Variants in VTI1A observed in about 807,000 individuals in gnomAD.
The protein encoded by VTI1A is vesicle transport through interaction with t-SNAREs homolog 1A.
VTI1A carries 22 observed loss-of-function variants against 34.9 expected under a neutral mutation model. The ratio of observed to expected loss-of-function variants is 0.63; its 90% CI spans 0.45 to 0.90. The LOEUF (loss-of-function observed/expected upper bound fraction) is 0.90. VTI1A is among the 40% of genes least tolerant of loss of function. VTI1A has a pLI of 0.00. For missense variants in VTI1A, 268 were observed against 275.6 expected (o/e 0.97, Z 0.20); for synonymous variants, 87 against 97.3 (o/e 0.89, Z 0.62).
Position 112,815,356 on chromosome 10 carries a change from G to A in VTI1A, c.627G>A (p.Ala209=), listed in dbSNP as rs772421699. The A allele has an allele frequency of 2.0e-5, 33 of 1,613,866 alleles. No individual in the cohort carries two copies. The highest frequency in any genetic ancestry group is 3.3e-5 in the South Asian group (3 of 91,062). Residue 209 remains alanine, a synonymous_variant, in exon 8 of 8, where the codon GCG becomes GCA. Transcript: ENST00000393077. ...GIIVVITILM[A]ITFSVRRH ...TCGTGGTCATCACCATCCTGATGGC[G>A]ATCACTTTTTCTGTCAGAAGACACT...
chr10:112,664,649 G>C (rs11196045), intron 5 of VTI1A, among the ~76,000 whole-genome samples: 3,822 of 152,258 alleles, frequency 0.025, 106 homozygotes, highest in East Asian at 0.1. Context: ...AGATTGAAAA[G>C]TAAAGGAAAT....
intron 7 of VTI1A, among the ~76,000 whole-genome samples, chr10:112,782,594 G>A (rs1003588631): frequency 1.3e-5 from 2 of 152,234 alleles, no homozygotes; most frequent in East Asian, 3.9e-4. Context: ...TGGAATTATA[G>A]TGGGGCTGTT....
In VTI1A at chr10:112,783,401, G is replaced by GCACACACACACA. The variant is rs58560251; in HGVS notation, c.561-31875_561-31864dup. Among the ~76,000 whole-genome samples, 606 of 150,414 alleles carry GCACACACACACA rather than the reference G, an allele frequency of 4.0e-3. 4 individuals are homozygous for GCACACACACACA. The highest frequency in any genetic ancestry group is 0.013 in the African/African-American group (539 of 41,032). On this transcript the variant is annotated intron_variant, in intron 7 of 7. Coordinates refer to ENST00000393077, the MANE Select transcript of VTI1A (RefSeq NM_145206.4). ...TGTATGTGCATGCCCGCGTGCACGT[G>GCACACACACACA]CACACACACACACACACACACACAC...
chr10:112,554,930 G>A (rs1319284433), intron 5 of VTI1A, among the ~76,000 whole-genome samples: 1 of 152,066 alleles, frequency 6.6e-6, no homozygotes, highest in African/African-American at 2.4e-5. Context: ...TGGGGACATG[G>A]TCCCAACGTT....
intron 3 of VTI1A, among the ~76,000 whole-genome samples, chr10:112,476,468 C>T (rs529993326): frequency 2.6e-5 from 4 of 152,204 alleles, no homozygotes; most frequent in South Asian, 2.1e-4. Flanking sequence ...CTTTTATGAA[C>T]GTACTTGCTA....
intron 7 of VTI1A, among the ~76,000 whole-genome samples, chr10:112,693,052 T>C (rs983856588): frequency 6.6e-6 from 1 of 152,232 alleles, no homozygotes; most frequent in Non-Finnish European, 1.5e-5. Context: ...TTCTCTCACT[T>C]TGATTCCCAA....
intron 5 of VTI1A, among the ~76,000 whole-genome samples, chr10:112,645,046 G>A (rs1238502619): frequency 2.0e-5 from 3 of 152,228 alleles, no homozygotes; most frequent in Non-Finnish European, 2.9e-5. Flanking sequence ...TTTCTATCAA[G>A]TAGATTTTAT....
At chr10:112,641,114 G>A (rs1364903689) in intron 5 of VTI1A, among the ~76,000 whole-genome samples, 1 of 150,978 alleles carries the variant, frequency 6.6e-6, no homozygotes, top group Non-Finnish European at 1.5e-5. Flanking sequence ...GGTGTAGTTG[G>A]GGGGCAGATA....
At chr10:112,603,584 T>C (rs1257323501) in intron 5 of VTI1A, among the ~76,000 whole-genome samples, 1 of 152,206 alleles carries the variant, frequency 6.6e-6, no homozygotes. Context: ...AATACTGTTT[T>C]ACTTCAAACT....
In VTI1A at chr10:112,452,566, C is replaced by CAA. The variant is rs57884472; in HGVS notation, c.94+5115_94+5116dup. ...CTAGTGACACAGTGAGACTCTGTCT[C>CAA]AAAAAAAAAAAAAAAAATTAAGCTT... is the stretch of plus-strand genomic sequence containing the variant. On this transcript the variant is annotated intron_variant, in intron 1 of 7. Coordinates refer to ENST00000393077, the MANE Select transcript of VTI1A (RefSeq NM_145206.4). Among the ~76,000 whole-genome samples the CAA allele has an allele frequency of 8.9e-3, 1,196 of 134,644 alleles. 10 individuals are homozygous for CAA. The highest frequency in any genetic ancestry group is 0.023 in the Middle Eastern group (6 of 258). 88.3% of individuals were successfully genotyped at this position (134,644 alleles called of 152,430 possible).
intron 5 of VTI1A, among the ~76,000 whole-genome samples, chr10:112,599,616 G>C (rs920520565): frequency 6.6e-6 from 1 of 152,040 alleles, no homozygotes; most frequent in Non-Finnish European, 1.5e-5. Context: ...AGTCTCACCT[G>C]TCTTCCAGGC....
At chr10:112,700,517 G>T (rs1848973451) in intron 7 of VTI1A, among the ~76,000 whole-genome samples, 1 of 152,126 alleles carries the variant, frequency 6.6e-6, no homozygotes, top group Non-Finnish European at 1.5e-5. Context: ...GGAAACTAAG[G>T]CCTCAAATGC....
At chr10:112,456,023 C>T (rs1847511468) in intron 1 of VTI1A, among the ~76,000 whole-genome samples, 1 of 152,092 alleles carries the variant, frequency 6.6e-6, no homozygotes. Context: ...TCTGTAAGCA[C>T]TTAGTGGCCC....
At chr10:112,820,392 A>T (rs6585192), downstream of VTI1A, among the ~76,000 whole-genome samples, 81,810 of 152,084 alleles carry the variant, frequency 0.54, 22,478 homozygotes, top group East Asian at 0.71. Flanking sequence ...CACCCTATGC[A>T]GTAACTCTCT....
the VTI1A span, among the ~76,000 whole-genome samples, chr10:112,836,515 C>CTTTCCCTCCGCTACCTCATAGCAAA: frequency 6.6e-6 from 1 of 152,190 alleles, no homozygotes; most frequent in Non-Finnish European, 1.5e-5. Context: ...AGAACTTCAA[C>CTTTCCCTCCGCTACCTCATAGCAAA]TTTCCCTCCG....
the VTI1A span, among the ~76,000 whole-genome samples, chr10:112,848,650 A>G: frequency 2.2e-3 from 333 of 152,312 alleles, 1 homozygote; most frequent in Non-Finnish European, 2.8e-3. Flanking sequence ...AAACAATTCA[A>G]TTATTCAGTC....
chr10:112,462,939 T>TATTC (rs1847776648), intron 2 of VTI1A, among the ~76,000 whole-genome samples: 1 of 141,732 alleles, frequency 7.1e-6, no homozygotes, highest in African/African-American at 2.7e-5. Context: ...TTTATTTATT[T>TATTC]ATTGAGACGG....
chr10:112,530,973 A>G (rs1850401027), intron 4 of VTI1A, among the ~76,000 whole-genome samples: 1 of 151,758 alleles, frequency 6.6e-6, no homozygotes, highest in South Asian at 2.1e-4. Context: ...AGAGTTCAGC[A>G]TTTATTCGTT....
the VTI1A span, chr10:112,826,862 G>A: frequency 1.3e-5 from 2 of 152,250 alleles, no homozygotes; most frequent in South Asian, 2.1e-4. Context: ...ATCCCGTCAC[G>A]TTCTGTAAAA....
Sources: gnomAD v4.1 joint callset for allele counts (sites outside exome capture counted in the v4.1 genomes callset) on GRCh38, gnomAD v4.1.1 for gene constraint, MANE v1.5 for transcripts, NCBI Gene and HGNC (gene_info 2026-07-23, HGNC 2026-07-21) for gene names.